The following NCKAP5 variants were observed in gnomAD, a reference collection of about 807,000 sequenced individuals.
NCKAP5 encodes NCK associated protein 5.
A neutral mutation model predicts 167.0 loss-of-function variants in NCKAP5; 92 were observed. The observed-to-expected ratio is 0.55, with a 90% CI of 0.47 to 0.66. NCKAP5 has a LOEUF of 0.66. Ranked by LOEUF, NCKAP5 falls within the 30% of genes least tolerant of loss-of-function variation. The pLI is 0.00. For synonymous variants in NCKAP5, 891 were observed against 877.4 expected, an observed-to-expected ratio of 1.02 and a Z score of -0.27; for missense variants, 2,378 against 2,315.0, an observed-to-expected ratio of 1.03 and a Z score of -0.56.
intron 6 of NCKAP5, among the ~76,000 whole-genome samples, chr2:133,062,333 A>G (rs1450757053): frequency 6.6e-6 from 1 of 152,212 alleles, no homozygotes; most frequent in Non-Finnish European, 1.5e-5. Flanking sequence ...CTCCTGTTAG[A>G]TAAGAGATGA....
chr2:133,527,931 G>A (rs889144041), intron 2 of NCKAP5, among the ~76,000 whole-genome samples: 10 of 152,098 alleles, frequency 6.6e-5, no homozygotes, highest in East Asian at 5.8e-4. Flanking sequence ...CAGATGTGGT[G>A]GCACGTGCTT....
intron 3 of NCKAP5, among the ~76,000 whole-genome samples, chr2:133,339,018 T>A (rs1683403528): frequency 6.6e-6 from 1 of 152,020 alleles, no homozygotes; most frequent in Non-Finnish European, 1.5e-5. Context: ...AGACTCCATC[T>A]CAAAAAACAT....
intron 4 of NCKAP5, among the ~76,000 whole-genome samples, chr2:133,273,993 T>C (rs918818020): frequency 6.7e-6 from 1 of 149,380 alleles, no homozygotes; most frequent in African/African-American, 2.5e-5. Flanking sequence ...AAAAAAAATC[T>C]ATAACACGCC....
intron 19 of NCKAP5, among the ~76,000 whole-genome samples, chr2:132,702,394 C>T (rs1687972796): frequency 6.6e-6 from 1 of 152,014 alleles, no homozygotes; most frequent in Non-Finnish European, 1.5e-5. Flanking sequence ...TTTAGGTGAT[C>T]AGTTGGCTTA....
At chr2:133,035,451 G>T (rs147718197) in intron 6 of NCKAP5, among the ~76,000 whole-genome samples, 1 of 151,972 alleles carries the variant, frequency 6.6e-6, no homozygotes, top group East Asian at 1.9e-4. Context: ...AAGAGCTACA[G>T]AATACACATT....
intron 2 of NCKAP5, among the ~76,000 whole-genome samples, chr2:133,542,005 C>G (rs551613348): frequency 3.7e-4 from 56 of 152,282 alleles, no homozygotes; most frequent in Middle Eastern, 3.4e-3. Context: ...GCACACTTGA[C>G]TCACTTCAGG....
intron 5 of NCKAP5, among the ~76,000 whole-genome samples, chr2:133,190,936 T>C (rs1431604325): frequency 2.0e-5 from 3 of 152,056 alleles, no homozygotes; most frequent in African/African-American, 7.2e-5. Flanking sequence ...CTCATTAAAC[T>C]AAAGAGCTTC....
In NCKAP5 at chr2:133,526,165, GAGGAAGGAAGGA is replaced by G. The variant is rs1203618783; in HGVS notation, c.-61-8590_-61-8579del. On this transcript the variant is annotated intron_variant, in intron 2 of 19. Coordinates refer to ENST00000409261, the MANE Select transcript of NCKAP5 (RefSeq NM_207363.3). Reference sequence around the variant, plus strand: ...GAAGGGAGGAACAGAGAAAGGGAATGAGGAAGGAAGGAAGGAAGGAAGGAAGGAAGGAAGGAA... The same window carrying G: ...GAAGGGAGGAACAGAGAAAGGGAATGAGGAAGGAAGGAAGGAAGGAAGGAA... Among the ~76,000 whole-genome samples, 934 of 69,930 alleles carry G rather than the reference GAGGAAGGAAGGA, an allele frequency of 0.013. 54 individuals carry two copies. The East Asian group carries it at 0.14, about 10-fold the overall frequency. The allele number at this position is 69,930 out of a possible 152,430, so 45.9% of individuals were successfully genotyped here.
At chr2:132,980,623 T>C (rs1559015783) in intron 7 of NCKAP5, among the ~76,000 whole-genome samples, 1 of 152,172 alleles carries the variant, frequency 6.6e-6, no homozygotes, top group Non-Finnish European at 1.5e-5. Flanking sequence ...GAGATGAACT[T>C]GCACTTTCTG....
Position 133,210,538 on chromosome 2 carries a change from C to T in NCKAP5, c.207+3178G>A, listed in dbSNP as rs143373530. Among the ~76,000 whole-genome samples, 130 of 152,048 alleles carry T rather than the reference C, an allele frequency of 8.5e-4. 1 individual carries two copies. Among genetic ancestry groups the T allele is most frequent in the African/African-American group, 3.0e-3 (125 of 41,466 alleles). ...AACTGTTTTCCATTTCTGCTACAGA[C>T]GTAACAAAAGTTCTGTGAAACAAAC... On this transcript the variant is annotated intron_variant, in intron 5 of 19. Coordinates refer to ENST00000409261, the MANE Select transcript of NCKAP5 (RefSeq NM_207363.3).
At chr2:132,737,013 C>T (rs1691589220) in intron 16 of NCKAP5, among the ~76,000 whole-genome samples, 1 of 152,182 alleles carries the variant, frequency 6.6e-6, no homozygotes, top group South Asian at 2.1e-4. Context: ...CTCTCTGTCT[C>T]TCAAGGTATT....
intron 5 of NCKAP5, among the ~76,000 whole-genome samples, chr2:133,148,021 G>C (rs1427927574): frequency 3.3e-5 from 5 of 152,028 alleles, no homozygotes; most frequent in Non-Finnish European, 7.4e-5. Context: ...AAATGTAATT[G>C]AGCCTCTAAT....
intron 3 of NCKAP5, among the ~76,000 whole-genome samples, chr2:133,448,175 A>C (rs768800537): frequency 6.6e-6 from 1 of 152,094 alleles, no homozygotes; most frequent in Non-Finnish European, 1.5e-5. Context: ...AATGAAAGCA[A>C]GTATAAATCT....
the NCKAP5 span, among the ~76,000 whole-genome samples, chr2:133,630,956 T>C: frequency 6.6e-6 from 1 of 152,204 alleles, no homozygotes; most frequent in African/African-American, 2.4e-5. Context: ...ATGGACAATG[T>C]ATATGTGAAA....
chr2:132,782,806 G>C lies in NCKAP5; in HGVS notation c.4005C>G (p.Leu1335=). Residue 1335 remains leucine, a synonymous_variant, in exon 14 of 20, where the codon CTC becomes CTG. Coordinates refer to ENST00000409261, the MANE Select transcript of NCKAP5 (RefSeq NM_207363.3). Reference sequence around the variant, plus strand: ...GCCCCGAGGGCCTCCCAACACTGGGGAGACTCTCCAACATGGGAGCAGAAG... The same window carrying C: ...GCCCCGAGGGCCTCCCAACACTGGGCAGACTCTCCAACATGGGAGCAGAAG... ...KAPSAPMLES[L]PSVGRPSGHP... The C allele has an allele frequency of 6.2e-7, 1 of 1,613,968 alleles. No homozygotes were observed. The highest frequency in any genetic ancestry group is 1.3e-5 in the African/African-American group (1 of 75,058).
At chr2:133,242,554 G>A (rs2087767372) in intron 4 of NCKAP5, among the ~76,000 whole-genome samples, 1 of 152,112 alleles carries the variant, frequency 6.6e-6, no homozygotes, top group Non-Finnish European at 1.5e-5. Flanking sequence ...GTGTTGGAGT[G>A]GGTAGCTAAC....
intron 6 of NCKAP5, among the ~76,000 whole-genome samples, chr2:133,033,312 G>A (rs148052668): frequency 1.6e-4 from 25 of 152,312 alleles, no homozygotes; most frequent in African/African-American, 5.8e-4. Flanking sequence ...GGCTTGGGGT[G>A]CCCCCAAAGG....
At chr2:133,437,656 C>T (rs1175340526) in intron 3 of NCKAP5, among the ~76,000 whole-genome samples, 1 of 152,206 alleles carries the variant, frequency 6.6e-6, no homozygotes, top group Non-Finnish European at 1.5e-5. Flanking sequence ...CGTCAGTTCT[C>T]AGAAGGGCAG....
chr2:132,782,646 G>C lies in NCKAP5; in HGVS notation c.4165C>G (p.Gln1389Glu). The C allele has an allele frequency of 6.2e-7, 1 of 1,609,834 alleles. No homozygotes were observed. Among genetic ancestry groups the C allele is most frequent in the East Asian group, 2.2e-5 (1 of 44,852 alleles). ...LLIPPGKEDQ[Q>E]AFTQGECPSA... Reference sequence around the variant, plus strand: ...GGGCACTCTCCCTGGGTGAAGGCCTGCTGGTCTTCCTTTCCAGGTGGGATG... The same window carrying C: ...GGGCACTCTCCCTGGGTGAAGGCCTCCTGGTCTTCCTTTCCAGGTGGGATG... Residue 1389 changes from glutamine to glutamate, a missense_variant, in exon 14 of 20, where the codon CAG becomes GAG. Gln to Glu is a conservative substitution (Grantham distance 29). Transcript: ENST00000409261.
Sources: gnomAD v4.1 joint callset for allele counts (sites outside exome capture counted in the v4.1 genomes callset) on GRCh38, gnomAD v4.1.1 for gene constraint, MANE v1.5 for transcripts, NCBI Gene and HGNC (gene_info 2026-07-23, HGNC 2026-07-21) for gene names.